Variants in WDR5 observed in about 807,000 individuals in gnomAD.
The protein encoded by WDR5 is WD repeat domain 5, also known as WD repeat-containing protein 5.
For missense variants in WDR5, 187 were observed against 416.9 expected (o/e 0.45, Z 4.80); for synonymous variants, 144 against 161.6 (o/e 0.89, Z 0.83).
At chr9:134,145,150 G>C (rs546773177) in intron 7 of WDR5, among the ~76,000 whole-genome samples, 2 of 144,342 alleles carry the variant, frequency 1.4e-5, no homozygotes, top group East Asian at 4.1e-4. Context: ...CCAGGCTGGA[G>C]TGCGGTGGTG....
chr9:134,148,396 G>A, intron 8 of WDR5, 53 bp downstream of exon 8: 2 of 1,495,420 alleles, frequency 1.3e-6, no homozygotes, highest in African/African-American at 1.4e-5. Flanking sequence ...CTAAGGGCCA[G>A]CTCTTGCACT....
chr9:134,149,047 G>A (rs1832358172), intron 8 of WDR5, among the ~76,000 whole-genome samples: 1 of 152,140 alleles, frequency 6.6e-6, no homozygotes, highest in Non-Finnish European at 1.5e-5. Context: ...GGCAGCCACT[G>A]GCAGAATTGA....
chr9:134,156,767 T>C (rs767409738), intron 13 of WDR5, among the ~76,000 whole-genome samples, 174 bp downstream of exon 13: 8 of 152,200 alleles, frequency 5.3e-5, no homozygotes, highest in Non-Finnish European at 7.3e-5. Flanking sequence ...ATGGAGCTGG[T>C]CACTGTGCTG....
intron 7 of WDR5, among the ~76,000 whole-genome samples, chr9:134,147,818 G>C (rs1832280563): frequency 6.6e-6 from 1 of 151,878 alleles, no homozygotes. Context: ...TCAGGAGTTC[G>C]AGACCAGCCT....
chr9:134,142,746 G>A (rs1231234813), intron 7 of WDR5, 27 bp downstream of exon 7: 3 of 1,610,420 alleles, frequency 1.9e-6, no homozygotes, highest in Non-Finnish European at 2.5e-6. Context: ...CGGATGGGGT[G>A]GTGTCCAGCA....
At chr9:134,144,114 C>T (rs1588171525) in intron 7 of WDR5, among the ~76,000 whole-genome samples, 1 of 152,246 alleles carries the variant, frequency 6.6e-6, no homozygotes, top group Admixed American at 6.5e-5. Flanking sequence ...GCAGGCGAAG[C>T]CCTGATACTG....
At chr9:134,136,276 C>T (rs1831546508) in intron 1 of WDR5, 76 bp downstream of exon 1, 1 of 149,196 alleles carries the variant, frequency 6.7e-6, no homozygotes, top group Admixed American at 6.7e-5. Context: ...AAACCGCACC[C>T]GGCCGCCGCA....
chr9:134,157,750 G>T lies in WDR5; in HGVS notation c.905-143G>T, dbSNP rs982841347. ...CCTGGGCTCCCTGTGTCGAAGGTGG[G>T]CAGTGGGTGCTTGTCCTGTGACCTC... is the stretch of plus-strand genomic sequence containing the variant. On this transcript the variant is annotated intron_variant, in intron 13 of 13. Coordinates refer to ENST00000358625, the MANE Select transcript of WDR5 (RefSeq NM_017588.3). This position sits in a 1 kb window ranked among gnomAD's most constrained non-coding sequence, Gnocchi z 5.0. The T allele has an allele frequency of 7.4e-6, 5 of 673,748 alleles. No individual in the cohort carries two copies. The highest frequency in any genetic ancestry group is 1.3e-5 in the Non-Finnish European group (5 of 391,390). 41.7% of individuals were successfully genotyped at this position (673,748 alleles called of 1,614,324 possible).
intron 1 of WDR5, among the ~76,000 whole-genome samples, chr9:134,138,221 C>T (rs938653465): frequency 6.6e-6 from 1 of 152,178 alleles, no homozygotes; most frequent in Non-Finnish European, 1.5e-5. Flanking sequence ...CTAGACTCAC[C>T]CAGGTGAGTT....
rs200109860 is a variant in WDR5 at position 134,141,940 on chromosome 9, C to A, written c.265-9C>A. On this transcript the variant is annotated splice_polypyrimidine_tract_variant and intron_variant, in intron 4 of 13. Transcript: ENST00000358625. Reference sequence around the variant, plus strand: ...TGTCAAGTTACTGACCCTGTTTTTTCTCCCCAAGGGAATATCCGATGTAGC... The same window carrying A: ...TGTCAAGTTACTGACCCTGTTTTTTATCCCCAAGGGAATATCCGATGTAGC... 15 of 1,611,838 alleles carry A rather than the reference C, an allele frequency of 9.3e-6. No individual in the cohort carries two copies. The highest frequency in any genetic ancestry group is 1.3e-5 in the Non-Finnish European group (15 of 1,179,272).
In WDR5 at chr9:134,140,784, C is replaced by G. The variant is rs766254175; in HGVS notation, c.163C>G (p.Pro55Ala). The change falls in exon 3 of 14, where the codon CCG (proline) becomes GCG (alanine). Residue 55 changes from proline to alanine, a missense_variant. Transcript: ENST00000358625. ...TKAVSSVKFS[P>A]NGEWLASSSA... is the part of the protein sequence containing the mutation. ...AGCAGTGTCCTCCGTGAAATTCAGC[C>G]CGAATGGAGAGTGGCTGGCAAGTTC... The G allele has an allele frequency of 6.2e-7, 1 of 1,614,146 alleles. No homozygotes were observed. Among genetic ancestry groups the G allele is most frequent in the Non-Finnish European group, 8.5e-7 (1 of 1,180,018 alleles).
chr9:134,135,504 C>T (rs1382357674), upstream of WDR5: 2 of 152,306 alleles, frequency 1.3e-5, no homozygotes, highest in African/African-American at 4.8e-5. Flanking sequence ...GGCAGCCGGC[C>T]CCGCGGGAAG....
At chr9:134,155,896 C>A in intron 12 of WDR5, 129 bp downstream of exon 12, 1 of 875,656 alleles carries the variant, frequency 1.1e-6, no homozygotes, top group Non-Finnish European at 1.8e-6. Context: ...CCATTTCAAC[C>A]AAAGCGCACT....
At chr9:134,146,028 G>T (rs1246682735) in intron 7 of WDR5, among the ~76,000 whole-genome samples, 2 of 150,684 alleles carry the variant, frequency 1.3e-5, no homozygotes, top group Admixed American at 1.3e-4. Context: ...GCAGTGGTGT[G>T]ATCTCAGCTC....
intron 7 of WDR5, among the ~76,000 whole-genome samples, chr9:134,145,097 T>TTTTTTGTTTTTTG (rs1491403392): frequency 1.6e-4 from 3 of 18,760 alleles, no homozygotes; most frequent in Non-Finnish European, 4.2e-4. Flanking sequence ...TGGGGCTTTG[T>TTTTTTGTTTTTTG]TTTTTTTTTT....
At chr9:134,152,069 G>T (rs1832519913) in intron 9 of WDR5, 40 bp downstream of exon 9, 7 of 1,607,194 alleles carry the variant, frequency 4.4e-6, no homozygotes, top group Admixed American at 1.7e-5. Context: ...CTGTGGGGAG[G>T]GCCTCCCCTG....
In WDR5 at chr9:134,136,121, C is replaced by G. The variant is rs1175254863; in HGVS notation, c.-138C>G. 3.4e-5 allele frequency: 5 copies of G among 147,818 alleles called. No individual in the cohort carries two copies. The highest frequency in any genetic ancestry group is 2.1e-4 in the South Asian group (1 of 4,666). 9.2% of individuals were successfully genotyped at this position (147,818 alleles called of 1,614,324 possible). A position where few individuals can be genotyped will look rare whatever the true frequency, so the allele number is the denominator to read the frequency against. On this transcript the variant is annotated 5_prime_UTR_variant, in exon 1 of 14. Transcript: ENST00000358625. ...GCGCCCGCCCGAGCTGCCGCCTTGTCGAGCTGAGTCCGCGCTCCCGCCCAG... is the reference window on the plus strand; with the variant it reads ...GCGCCCGCCCGAGCTGCCGCCTTGTGGAGCTGAGTCCGCGCTCCCGCCCAG...
intron 1 of WDR5, 99 bp from the exon 2 acceptor site, chr9:134,139,721 T>G (rs184829341): frequency 2.7e-6 from 2 of 735,970 alleles, no homozygotes; most frequent in Non-Finnish European, 4.4e-6. Context: ...GGGCTCAATA[T>G]GGTAGTCAAA....
intron 9 of WDR5, among the ~76,000 whole-genome samples, chr9:134,153,003 C>T (rs115107287): frequency 0.027 from 4,068 of 152,310 alleles, 100 homozygotes; most frequent in African/African-American, 0.064. Flanking sequence ...GTCTCCAGTA[C>T]ACTCGCCTCT....
Sources: gnomAD v4.1 joint callset for allele counts (sites outside exome capture counted in the v4.1 genomes callset) on GRCh38, gnomAD v4.1.1 for gene constraint, Gnocchi (gnomAD v3.1) non-coding constraint, MANE v1.5 for transcripts, NCBI Gene and HGNC (gene_info 2026-07-23, HGNC 2026-07-21) for gene names.